Variants in KIAA0825 observed in about 807,000 individuals in gnomAD.
KIAA0825 encodes the protein KIAA0825.
KIAA0825 carries 119 observed loss-of-function variants against 147.6 expected under a neutral mutation model. The ratio of observed to expected loss-of-function variants is 0.81; its 90% confidence interval spans 0.69 to 0.94. The LOEUF is 0.94. Ranked by LOEUF, KIAA0825 falls within the 40% of genes least tolerant of loss-of-function variation. The pLI is 0.00. For synonymous variants in KIAA0825, 470 were observed against 518.1 expected, an observed-to-expected ratio of 0.91 and a Z score of 1.26; for missense variants, 1,381 against 1,472.7, an observed-to-expected ratio of 0.94 and a Z score of 1.02.
chr5:94,437,369 G>T (rs1470281077), intron 14 of KIAA0825, among the ~76,000 whole-genome samples: 1 of 152,096 alleles, frequency 6.6e-6, no homozygotes. Flanking sequence ...TATCCTTATG[G>T]TATTTGAAGT....
chr5:94,576,203 T>C (rs960996620), intron 2 of KIAA0825, among the ~76,000 whole-genome samples: 2 of 152,164 alleles, frequency 1.3e-5, no homozygotes, highest in African/African-American at 4.8e-5. Context: ...CCTTAACATA[T>C]ATACAAAATA....
intron 14 of KIAA0825, among the ~76,000 whole-genome samples, chr5:94,432,282 G>A (rs1265822221): frequency 2.0e-5 from 3 of 152,082 alleles, no homozygotes; most frequent in African/African-American, 7.2e-5. Context: ...CATAATCTCA[G>A]GCCCCACCCA....
At chr5:94,273,097 T>C (rs906915995) in intron 20 of KIAA0825, among the ~76,000 whole-genome samples, 1 of 152,340 alleles carries the variant, frequency 6.6e-6, no homozygotes, top group Middle Eastern at 3.4e-3. Context: ...TTTACTAGTC[T>C]TATGATCTTG....
At chr5:94,273,814 T>G (rs538989477) in intron 20 of KIAA0825, among the ~76,000 whole-genome samples, 2 of 152,256 alleles carry the variant, frequency 1.3e-5, no homozygotes, top group African/African-American at 4.8e-5. Context: ...TGTTAATTAT[T>G]ATTTTAGTTG....
At chr5:94,486,947 GA>G (rs1763125414) in intron 5 of KIAA0825, among the ~76,000 whole-genome samples, 1 of 152,152 alleles carries the variant, frequency 6.6e-6, no homozygotes, top group African/African-American at 2.4e-5. Context: ...AGTTTCACTA[GA>G]AATTAAGCAT....
At chr5:94,481,919 C>T (rs560454558) in intron 6 of KIAA0825, among the ~76,000 whole-genome samples, 2 of 152,078 alleles carry the variant, frequency 1.3e-5, no homozygotes, top group South Asian at 4.1e-4. Context: ...ATCTCAGATG[C>T]CACCTTTGGA....
At chr5:94,454,657 A>G (rs1223494235) in intron 12 of KIAA0825, among the ~76,000 whole-genome samples, 1 of 152,194 alleles carries the variant, frequency 6.6e-6, no homozygotes, top group Admixed American at 6.5e-5. Context: ...TGGACTTAGT[A>G]CTGGCAGTAA....
chr5:94,579,849 T>C (rs551509836), intron 2 of KIAA0825, among the ~76,000 whole-genome samples: 26 of 152,224 alleles, frequency 1.7e-4, no homozygotes, highest in Non-Finnish European at 2.2e-4. Flanking sequence ...TAAATATTTG[T>C]TCAAGGAAGA....
intron 2 of KIAA0825, among the ~76,000 whole-genome samples, chr5:94,550,659 A>C (rs1037975464): frequency 1.3e-5 from 2 of 152,128 alleles, no homozygotes; most frequent in African/African-American, 4.8e-5. Context: ...TGGCTAACAC[A>C]GTGAAACCTC....
At chr5:94,528,041 A>G (rs1054597594) in intron 3 of KIAA0825, among the ~76,000 whole-genome samples, 2 of 152,218 alleles carry the variant, frequency 1.3e-5, no homozygotes, top group Non-Finnish European at 2.9e-5. Context: ...TACTCCTAAC[A>G]CAACTACTTC....
intron 14 of KIAA0825, among the ~76,000 whole-genome samples, chr5:94,438,023 G>A (rs1756595463): frequency 6.6e-6 from 1 of 152,198 alleles, no homozygotes; most frequent in Non-Finnish European, 1.5e-5. Context: ...GGAAAGGTAA[G>A]TTAAATGCAT....
chr5:94,599,970 T>C (rs1478345545), intron 1 of KIAA0825, among the ~76,000 whole-genome samples: 1 of 152,180 alleles, frequency 6.6e-6, no homozygotes, highest in African/African-American at 2.4e-5. Context: ...CTAGTACAAC[T>C]AAACAATACA....
At position 94,151,918 on chromosome 5, in the gene KIAA0825, G is replaced by A. The variant is rs894072922; in HGVS notation, c.*2089C>T. Among the ~76,000 whole-genome samples the A allele has an allele frequency of 1.3e-5, 2 of 152,156 alleles. No individual in the cohort carries two copies. The highest frequency in any genetic ancestry group is 4.8e-5 in the African/African-American group (2 of 41,438). ...TTAGTACACAGACCACCACTTAGCT[G>A]AAGGAATAAAGTCAACTGTTGCCTT... is the stretch of plus-strand genomic sequence containing the variant. On this transcript the variant is annotated 3_prime_UTR_variant, in exon 21 of 21. Transcript: ENST00000682413.
chr5:94,254,589 G>A (rs1776145875), intron 20 of KIAA0825, among the ~76,000 whole-genome samples: 1 of 152,122 alleles, frequency 6.6e-6, no homozygotes, highest in African/African-American at 2.4e-5. Context: ...GTTTATGACT[G>A]TAAAGCAAAT....
intron 12 of KIAA0825, among the ~76,000 whole-genome samples, chr5:94,459,614 A>G (rs940456976): frequency 6.6e-6 from 1 of 152,178 alleles, no homozygotes; most frequent in Non-Finnish European, 1.5e-5. Context: ...GAGTGACAAC[A>G]AATGGACCCC....
At chr5:94,579,576 C>T (rs1216194775) in intron 2 of KIAA0825, among the ~76,000 whole-genome samples, 4 of 152,176 alleles carry the variant, frequency 2.6e-5, no homozygotes, top group Non-Finnish European at 4.4e-5. Context: ...TAAGTTAGAA[C>T]CACTACCCAG....
Position 94,610,165 on chromosome 5 carries a change from A to G in KIAA0825, c.-153+8335T>C, listed in dbSNP as rs140601114. On this transcript the variant is annotated intron_variant, in intron 1 of 20. Coordinates refer to ENST00000682413, the MANE Select transcript of KIAA0825 (RefSeq NM_001145678.3). ...CTGGGCATGGTGGCTCACATCTGTA[A>G]TACCAGCACTTTGGGAGGCCAAGGC... Among the ~76,000 whole-genome samples, 310 of 152,292 alleles carry G rather than the reference A, an allele frequency of 2.0e-3. 1 individual carries two copies. The highest frequency in any genetic ancestry group is 7.3e-3 in the African/African-American group (302 of 41,562).
chr5:94,252,460 T>C (rs534924433), intron 20 of KIAA0825, among the ~76,000 whole-genome samples: 10 of 149,886 alleles, frequency 6.7e-5, no homozygotes, highest in Non-Finnish European at 1.5e-4. Flanking sequence ...GGTGTGTATA[T>C]ATATATAGAG....
At chr5:94,402,292 GCCACAAGCAAAATA>G (rs1393880029) in intron 16 of KIAA0825, among the ~76,000 whole-genome samples, 2 of 152,078 alleles carry the variant, frequency 1.3e-5, no homozygotes, top group Non-Finnish European at 2.9e-5. Context: ...TGACTCGAAA[GCCACAAGCAAAATA>G]GTGCTACTCA....
Sources: gnomAD v4.1 joint callset for allele counts (sites outside exome capture counted in the v4.1 genomes callset) on GRCh38, gnomAD v4.1.1 for gene constraint, MANE v1.5 for transcripts, NCBI Gene and HGNC (gene_info 2026-07-23, HGNC 2026-07-21) for gene names.